PCDHGA4: variants seen among roughly 807,000 people sequenced by gnomAD.
The protein encoded by PCDHGA4 is protocadherin gamma-A4.
A neutral mutation model predicts 54.6 loss-of-function variants in PCDHGA4; 38 were observed. The observed-to-expected ratio is 0.70, with a 90% confidence interval of 0.54 to 0.91. PCDHGA4 has a LOEUF of 0.91. PCDHGA4 is among the 40% of genes least tolerant of loss of function. The probability of loss-of-function intolerance (pLI) is 0.00; values close to 1 mark genes in which losing one functional copy is unlikely to be tolerated. For synonymous variants in PCDHGA4, 511 were observed against 512.9 expected, an observed-to-expected ratio of 1.00 and a Z score of 0.05; for missense variants, 1,298 against 1,220.9, an observed-to-expected ratio of 1.06 and a Z score of -0.94.
At chr5:141,384,494 T>G (rs900386629) in intron 1 of PCDHGA4, 2 of 1,613,972 alleles carry the variant, frequency 1.2e-6, no homozygotes, top group Admixed American at 1.7e-5. Context: ...CAACTAAGAG[T>G]GACTGCACAT....
At chr5:141,379,889 C>CTTTATTTTTTTTTTTTTTTTTTTTTTTT (rs1775940253) in intron 1 of PCDHGA4, among the ~76,000 whole-genome samples, 1 of 50,830 alleles carries the variant, frequency 2.0e-5, no homozygotes, top group Non-Finnish European at 3.9e-5. Flanking sequence ...GTGAAAGCCT[C>CTTTATTTTTTTTTTTTTTTTTTTTTTTT]TTTTTTTTTT....
At chr5:141,427,529 G>A (rs1464520351) in intron 1 of PCDHGA4, 1 of 619,898 alleles carries the variant, frequency 1.6e-6, no homozygotes, top group African/African-American at 1.8e-5. Context: ...GGATCCCGGA[G>A]TACAACGTCA....
chr5:141,369,686 T>A (rs1449801725), intron 1 of PCDHGA4, among the ~76,000 whole-genome samples: 1 of 152,156 alleles, frequency 6.6e-6, no homozygotes, highest in Non-Finnish European at 1.5e-5. Context: ...AAACATAGAA[T>A]AAAACTAAAA....
At chr5:141,385,603 T>G (rs968822799) in intron 1 of PCDHGA4, 19 of 1,190,040 alleles carry the variant, frequency 1.6e-5, no homozygotes, top group Non-Finnish European at 2.0e-5. Flanking sequence ...CTTTCTTAAC[T>G]CATATATTTT....
In PCDHGA4 at chr5:141,423,241, G is replaced by T. The variant is rs1485226833; in HGVS notation, c.2514+65620G>T. The T allele has an allele frequency of 6.8e-6, 11 of 1,613,836 alleles. No individual in the cohort carries two copies. The Admixed American group carries it at 1.5e-4, about 22-fold the overall frequency. On this transcript the variant is annotated intron_variant, in intron 1 of 3. Transcript: ENST00000571252. ...GGCTGTGGCCGACAGCATCCCCGAAGTCCTGGCGGACCTCGGCAGCCTCGA... is the reference window on the plus strand; with the variant it reads ...GGCTGTGGCCGACAGCATCCCCGAATTCCTGGCGGACCTCGGCAGCCTCGA...
chr5:141,371,025 G>T (rs752262300), intron 1 of PCDHGA4: 9 of 1,613,988 alleles, frequency 5.6e-6, no homozygotes, highest in African/African-American at 1.3e-5. Flanking sequence ...TCACCACCTG[G>T]TCCTCACAGC....
At chr5:141,372,131 G>C (rs181587030) in intron 1 of PCDHGA4, 4 of 1,613,644 alleles carry the variant, frequency 2.5e-6, no homozygotes, top group African/African-American at 1.3e-5. Context: ...ATATGGTGCC[G>C]CGCTCTGCAG....
chr5:141,421,953 G>A lies in PCDHGA4; in HGVS notation c.2514+64332G>A, dbSNP rs193141134. On this transcript the variant is annotated intron_variant, in intron 1 of 3. Coordinates refer to ENST00000571252, the MANE Select transcript of PCDHGA4 (RefSeq NM_018917.4). ...TCGATGTAAATGATCACATCCCAATGTTTACACAGTCCGTATATCGCGTGA... is the reference window on the plus strand; with the variant it reads ...TCGATGTAAATGATCACATCCCAATATTTACACAGTCCGTATATCGCGTGA... 1.8e-4 allele frequency: 295 copies of A among 1,612,962 alleles called. 5 individuals are homozygous for A. In the East Asian group the frequency reaches 4.0e-3, roughly 22 times the overall value.
intron 3 of PCDHGA4, 85 bp from the exon 4 acceptor site, chr5:141,510,862 C>A: frequency 6.2e-7 from 1 of 1,606,772 alleles, no homozygotes. Context: ...GCTGTATAGG[C>A]ATTCATTAAC....
chr5:141,375,719 G>C (rs1478749716), intron 1 of PCDHGA4: 1 of 1,614,262 alleles, frequency 6.2e-7, no homozygotes, highest in South Asian at 1.1e-5. Flanking sequence ...TAGCAGCAAC[G>C]TGTCACTGAG....
At chr5:141,441,886 A>C (rs2098281968) in intron 1 of PCDHGA4, 1 of 345,040 alleles carries the variant, frequency 2.9e-6, no homozygotes, top group Non-Finnish European at 5.6e-6. Flanking sequence ...CCTGGTCACC[A>C]AGGTGGTGGC....
intron 1 of PCDHGA4, chr5:141,419,836 G>A (rs756561978): frequency 1.9e-6 from 3 of 1,613,958 alleles, no homozygotes. Context: ...CCACTGCCAC[G>A]CTGCACCTGG....
At position 141,366,626 on chromosome 5, in the gene PCDHGA4, A is replaced by G. The variant is rs762991853; in HGVS notation, c.2514+9005A>G. ...CTCCCTCACCGCGGACTCGAGGAAG[A>G]GTCACCTGATCTTTCCCCAGCCCAA... On this transcript the variant is annotated intron_variant, in intron 1 of 3. Coordinates refer to ENST00000571252, the MANE Select transcript of PCDHGA4 (RefSeq NM_018917.4). 9 of 1,614,244 alleles carry G rather than the reference A, an allele frequency of 5.6e-6. No individual in the cohort carries two copies. The South Asian group carries it at 9.9e-5, about 18-fold the overall frequency.
intron 1 of PCDHGA4, chr5:141,422,315 C>T: frequency 6.5e-7 from 1 of 1,547,896 alleles, no homozygotes; most frequent in Non-Finnish European, 8.7e-7. Flanking sequence ...AACTCTCCTC[C>T]AGGTACAGTG....
intron 1 of PCDHGA4, among the ~76,000 whole-genome samples, chr5:141,381,826 C>CTT (rs770630741): frequency 0.12 from 9,186 of 74,154 alleles, 568 homozygotes; most frequent in African/African-American, 0.16. Context: ...CTTTCTTCTT[C>CTT]TTTTTTTTTT....
At chr5:141,438,571 T>TATAC (rs1212381177) in intron 1 of PCDHGA4, among the ~76,000 whole-genome samples, 15 of 94,542 alleles carry the variant, frequency 1.6e-4, no homozygotes, top group South Asian at 1.0e-3. Flanking sequence ...AGCTGTCTGA[T>TATAC]ATACATACAT....
intron 1 of PCDHGA4, chr5:141,393,008 T>C: frequency 1.2e-6 from 2 of 1,613,876 alleles, no homozygotes. Flanking sequence ...ACGGAGTCCG[T>C]ATCGTCTCCA....
rs777676275 is a variant in PCDHGA4, at chr5:141,355,371, G to T, written c.264G>T (p.Arg88=). The T allele has an allele frequency of 1.2e-6, 2 of 1,614,052 alleles. No individual in the cohort carries two copies. Among genetic ancestry groups the T allele is most frequent in the South Asian group, 1.1e-5 (1 of 91,086 alleles). The change falls in exon 1 of 4, where the codon CGG becomes CGT. Residue 88 remains arginine, a synonymous_variant. Transcript: ENST00000571252. ...CCAAGGACCTGGGGTTGGCGCCCCG[G>T]GAGCTGGCGGAGCGCGGAGTCCGCA... ...NIAKDLGLAP[R]ELAERGVRIV...
At chr5:141,413,562 T>C in intron 1 of PCDHGA4, 1 of 1,613,850 alleles carries the variant, frequency 6.2e-7, no homozygotes, top group Non-Finnish European at 8.5e-7. Context: ...AAGTAACTGA[T>C]ATCAATGACA....
Sources: gnomAD v4.1 joint callset for allele counts (sites outside exome capture counted in the v4.1 genomes callset) on GRCh38, gnomAD v4.1.1 for gene constraint, MANE v1.5 for transcripts, NCBI Gene and HGNC (gene_info 2026-07-23, HGNC 2026-07-21) for gene names.